CEP112: variants seen among roughly 807,000 people sequenced by gnomAD.
CEP112 encodes the protein centrosomal protein 112.
In CEP112, 127 loss-of-function variants were observed where a neutral mutation model predicts 153.0. The observed-to-expected ratio is 0.83, with a 90% CI of 0.72 to 0.96. The LOEUF is 0.96. CEP112 is among the 40% of genes least tolerant of loss of function. The pLI, the probability that CEP112 is intolerant of heterozygous loss-of-function variation, is 0.00. For missense variants in CEP112, 1,089 were observed against 1,101.2 expected (o/e 0.99, Z 0.16); for synonymous variants, 358 against 374.4 (o/e 0.96, Z 0.51).
chr17:66,033,440 G>A (rs2065579088), intron 12 of CEP112, among the ~76,000 whole-genome samples: 1 of 152,182 alleles, frequency 6.6e-6, no homozygotes, highest in African/African-American at 2.4e-5. Flanking sequence ...AGAATAAGAA[G>A]AGACTATCAT....
At chr17:66,088,703 C>T (rs571924421) in intron 8 of CEP112, among the ~76,000 whole-genome samples, 1 of 152,300 alleles carries the variant, frequency 6.6e-6, no homozygotes, top group Admixed American at 6.5e-5. Context: ...CCAGGAGACT[C>T]AGGGTCTAGA....
chr17:65,890,444 G>A (rs2059422974), intron 20 of CEP112, among the ~76,000 whole-genome samples: 1 of 152,126 alleles, frequency 6.6e-6, no homozygotes, highest in Non-Finnish European at 1.5e-5. Flanking sequence ...CTACTCTAAT[G>A]GAACCTCTTC....
rs147102702 is a variant in CEP112, at chr17:65,831,421, G to A, written c.2394+20383C>T. Among the ~76,000 whole-genome samples, 1,384 of 152,170 alleles carry A rather than the reference G, an allele frequency of 9.1e-3. 8 individuals are homozygous for A. The highest frequency in any genetic ancestry group is 0.015 in the Non-Finnish European group (989 of 67,990). On this transcript the variant is annotated intron_variant, in intron 21 of 26. Coordinates refer to ENST00000535342, the MANE Select transcript of CEP112 (RefSeq NM_001199165.4). The stretch of plus-strand genomic sequence containing the variant: ...AAATACAAAAAATTAGCTGGGCGTG[G>A]TGGTGGGCACCTGTAGTCCCAGCTA...
chr17:66,143,768 A>G (rs2070804274), intron 4 of CEP112, among the ~76,000 whole-genome samples: 1 of 152,220 alleles, frequency 6.6e-6, no homozygotes, highest in Admixed American at 6.5e-5. Flanking sequence ...TAACAGAAAC[A>G]TAGCTCAGAG....
chr17:66,097,486 A>G lies in CEP112; in HGVS notation c.643-854T>C, dbSNP rs190745774. Among the ~76,000 whole-genome samples, 3 of 152,282 alleles carry G rather than the reference A, an allele frequency of 2.0e-5. No homozygotes were observed. The East Asian group carries it at 5.8e-4, about 29-fold the overall frequency. Reference sequence around the variant, plus strand: ...TAGCACCCAACTCAGTGCCCAATTAATATTTCTTCAGAAAGAAGGAAGAAA... The same window carrying G: ...TAGCACCCAACTCAGTGCCCAATTAGTATTTCTTCAGAAAGAAGGAAGAAA... On this transcript the variant is annotated intron_variant, in intron 6 of 26. Coordinates refer to ENST00000535342, the MANE Select transcript of CEP112 (RefSeq NM_001199165.4).
intron 21 of CEP112, among the ~76,000 whole-genome samples, chr17:65,770,724 T>A (rs1022409717): frequency 6.6e-6 from 1 of 151,960 alleles, no homozygotes; most frequent in Non-Finnish European, 1.5e-5. Context: ...GTTAAGAAAC[T>A]TACATTTTAT....
intron 4 of CEP112, among the ~76,000 whole-genome samples, chr17:66,134,015 G>C (rs1037355977): frequency 1.8e-4 from 28 of 152,076 alleles, no homozygotes; most frequent in African/African-American, 6.5e-4. Flanking sequence ...TTAATATTTT[G>C]AGTATAATTG....
chr17:65,644,176 C>T, intron 24 of CEP112: 1 of 816,806 alleles, frequency 1.2e-6, no homozygotes, highest in Admixed American at 1.9e-5. Flanking sequence ...TGCAGTTGTT[C>T]TTCAGCTATG....
At chr17:65,921,396 T>A (rs1656982843) in intron 19 of CEP112, among the ~76,000 whole-genome samples, 1 of 151,930 alleles carries the variant, frequency 6.6e-6, no homozygotes, top group African/African-American at 2.4e-5. Context: ...TTTGGAGTGG[T>A]CAGGGGAAAC....
intron 4 of CEP112, among the ~76,000 whole-genome samples, chr17:66,159,057 G>C (rs2146743487): frequency 6.6e-6 from 1 of 152,262 alleles, no homozygotes; most frequent in South Asian, 2.1e-4. Context: ...TATCATCAGA[G>C]AATACTATAA....
chr17:66,020,484 A>G (rs1034064643), intron 16 of CEP112, among the ~76,000 whole-genome samples: 12 of 152,192 alleles, frequency 7.9e-5, no homozygotes, highest in Non-Finnish European at 1.2e-4. Context: ...AGTACCTAAT[A>G]TAATACCTTC....
At chr17:66,056,750 C>G in intron 11 of CEP112, among the ~76,000 whole-genome samples, 1 of 152,048 alleles carries the variant, frequency 6.6e-6, no homozygotes, top group East Asian at 1.9e-4. Context: ...TGGTAACTGA[C>G]TGCTGATGGA....
intron 21 of CEP112, among the ~76,000 whole-genome samples, chr17:65,830,693 C>T (rs916226529): frequency 2.6e-5 from 4 of 152,182 alleles, no homozygotes; most frequent in Non-Finnish European, 5.9e-5. Flanking sequence ...TCCACAAACC[C>T]CAACTGCTCT....
At chr17:66,055,240 C>T (rs1012694944) in intron 11 of CEP112, among the ~76,000 whole-genome samples, 5 of 152,164 alleles carry the variant, frequency 3.3e-5, no homozygotes. Flanking sequence ...GTCTCAAGAA[C>T]GCTTCTTCTA....
chr17:65,966,862 T>G (rs1258784978), intron 17 of CEP112, among the ~76,000 whole-genome samples: 1 of 152,126 alleles, frequency 6.6e-6, no homozygotes, highest in Non-Finnish European at 1.5e-5. Flanking sequence ...AAAATGAAAA[T>G]TAGTATTGGT....
chr17:65,912,144 T>C lies in CEP112; in HGVS notation c.1981-9810A>G, dbSNP rs560254730. Among the ~76,000 whole-genome samples, 24 of 152,266 alleles carry C rather than the reference T, an allele frequency of 1.6e-4. No individual in the cohort carries two copies. In the South Asian group the frequency reaches 4.1e-3, roughly 26 times the overall value. ...CAGTTTCACTCATCAGTCTTGGACA[T>C]TTTCTTGATGTTGTACAAGCCAAGT... On this transcript the variant is annotated intron_variant, in intron 19 of 26. Transcript: ENST00000535342.
At chr17:65,920,072 C>T (rs867115844) in intron 19 of CEP112, among the ~76,000 whole-genome samples, 1 of 151,822 alleles carries the variant, frequency 6.6e-6, no homozygotes, top group African/African-American at 2.4e-5. Context: ...GAGTCAGGTG[C>T]AGTGGCTCAC....
At chr17:66,064,111 TCA>T (rs1162426507) in intron 10 of CEP112, among the ~76,000 whole-genome samples, 3 of 152,212 alleles carry the variant, frequency 2.0e-5, no homozygotes, top group Non-Finnish European at 4.4e-5. Context: ...CTCAATTAAA[TCA>T]TTTATTAACA....
intron 21 of CEP112, among the ~76,000 whole-genome samples, chr17:65,843,898 G>A (rs1027965193): frequency 5.9e-5 from 9 of 152,070 alleles, no homozygotes; most frequent in Admixed American, 5.9e-4. Flanking sequence ...CAGATTAGAC[G>A]AAATTTAAAT....
Sources: gnomAD v4.1 joint callset for allele counts (sites outside exome capture counted in the v4.1 genomes callset) on GRCh38, gnomAD v4.1.1 for gene constraint, MANE v1.5 for transcripts, NCBI Gene and HGNC (gene_info 2026-07-23, HGNC 2026-07-21) for gene names.